ESRRB: variants seen among roughly 807,000 people sequenced by gnomAD.
The protein encoded by ESRRB is estrogen related receptor beta.
Under a neutral mutation model 46.0 loss-of-function variants are expected in ESRRB, and 16 were observed. The ratio of observed to expected loss-of-function variants is 0.35; its 90% CI spans 0.24 to 0.53. ESRRB has a LOEUF of 0.53. ESRRB is among the 20% of genes least tolerant of loss of function. ESRRB has a pLI of 0.93. For missense variants in ESRRB, 488 were observed against 607.4 expected, an observed-to-expected ratio of 0.80 and a Z score of 2.07; for synonymous variants, 246 against 259.6, an observed-to-expected ratio of 0.95 and a Z score of 0.50.
At chr14:76,387,849 G>A (rs962608167) in intron 1 of ESRRB, among the ~76,000 whole-genome samples, 2 of 152,224 alleles carry the variant, frequency 1.3e-5, no homozygotes, top group African/African-American at 4.8e-5. Flanking sequence ...AATATAAAGT[G>A]TAAGGCCAGA....
chr14:76,352,314 A>G (rs950647562), intron 1 of ESRRB, among the ~76,000 whole-genome samples: 4 of 152,212 alleles, frequency 2.6e-5, no homozygotes, highest in African/African-American at 9.7e-5. Flanking sequence ...TGTTCAGTAC[A>G]TGTTAATTAA....
intron 6 of ESRRB, among the ~76,000 whole-genome samples, chr14:76,496,268 T>A (rs145292923): frequency 1.1e-4 from 16 of 152,318 alleles, no homozygotes; most frequent in Non-Finnish European, 2.2e-4. Context: ...AGCCTGGATG[T>A]GGCAGAAAGA....
chr14:76,447,247 T>TTCCC (rs1888187330), intron 2 of ESRRB, among the ~76,000 whole-genome samples: 1 of 32,264 alleles, frequency 3.1e-5, no homozygotes, highest in African/African-American at 3.8e-4. Context: ...TAAAGTCTCC[T>TTCCC]TCCTTCCTTC....
intron 1 of ESRRB, among the ~76,000 whole-genome samples, chr14:76,380,247 C>T (rs752789719): frequency 6.6e-6 from 1 of 152,018 alleles, no homozygotes; most frequent in Admixed American, 6.6e-5. Flanking sequence ...TCTGATGGGC[C>T]GGAGGAAGGA....
intron 1 of ESRRB, among the ~76,000 whole-genome samples, chr14:76,331,100 G>A (rs904824919): frequency 4.6e-5 from 7 of 152,068 alleles, no homozygotes; most frequent in African/African-American, 1.7e-4. Flanking sequence ...AAAGAGGAAG[G>A]GATCGCCTCC....
chr14:76,328,489 C>T (rs1042525118), intron 1 of ESRRB, among the ~76,000 whole-genome samples: 13 of 152,148 alleles, frequency 8.5e-5, no homozygotes, highest in Non-Finnish European at 1.6e-4. Context: ...GCATATGTGC[C>T]TATGTGTAGG....
intron 3 of ESRRB, among the ~76,000 whole-genome samples, chr14:76,478,009 G>A (rs1020006033): frequency 2.0e-5 from 3 of 152,184 alleles, no homozygotes; most frequent in African/African-American, 7.2e-5. Flanking sequence ...AATACATACA[G>A]AGAGTCCTTT....
At chr14:76,473,872 T>G (rs1054546369) in intron 3 of ESRRB, among the ~76,000 whole-genome samples, 3 of 152,202 alleles carry the variant, frequency 2.0e-5, no homozygotes, top group African/African-American at 7.2e-5. Context: ...CCCGCTCCCC[T>G]CCTCTCAAGG....
intron 2 of ESRRB, among the ~76,000 whole-genome samples, chr14:76,452,397 C>T (rs569760240): frequency 2.0e-4 from 31 of 151,808 alleles, no homozygotes; most frequent in African/African-American, 6.5e-4. Flanking sequence ...GAGGCAGAGG[C>T]GGGTAGATTA....
At position 76,482,535 on chromosome 14, in the gene ESRRB, G is replaced by A; in HGVS notation, c.689-63G>A. 1 of 1,594,118 alleles carries A rather than the reference G, an allele frequency of 6.3e-7. No individual in the cohort carries two copies. The highest frequency in any genetic ancestry group is 8.6e-7 in the Non-Finnish European group (1 of 1,163,016). ...CAACTTTGCTTCCTGACCCATCTGAGCCTCCACCCCGGCCCCTTTCCTCTT... is the reference window on the plus strand; with the variant it reads ...CAACTTTGCTTCCTGACCCATCTGAACCTCCACCCCGGCCCCTTTCCTCTT... On this transcript the variant is annotated intron_variant, in intron 4 of 6. Transcript: ENST00000644823. This position sits in a 1 kb window ranked among gnomAD's most constrained non-coding sequence, Gnocchi z 4.3.
At chr14:76,364,824 G>A (rs1884502804) in intron 1 of ESRRB, among the ~76,000 whole-genome samples, 1 of 152,156 alleles carries the variant, frequency 6.6e-6, no homozygotes, top group Admixed American at 6.5e-5. Flanking sequence ...ACATGGCTGG[G>A]AGGGACCTCA....
At chr14:76,368,777 T>C (rs1884556784), upstream of ESRRB, among the ~76,000 whole-genome samples, 1 of 152,240 alleles carries the variant, frequency 6.6e-6, no homozygotes, top group Admixed American at 6.5e-5. Context: ...AGAATTGTAC[T>C]GACCCATTCA....
upstream of ESRRB, among the ~76,000 whole-genome samples, chr14:76,370,795 T>C (rs1246720175): frequency 6.6e-6 from 1 of 152,226 alleles, no homozygotes; most frequent in Non-Finnish European, 1.5e-5. Context: ...AATCTCACTT[T>C]CCTCATCCTC....
At chr14:76,408,274 C>T (rs150258557) in intron 1 of ESRRB, among the ~76,000 whole-genome samples, 5 of 152,256 alleles carry the variant, frequency 3.3e-5, no homozygotes, top group Non-Finnish European at 7.4e-5. Flanking sequence ...CCTTAAAGAA[C>T]TTAACTGTTA....
intron 1 of ESRRB, among the ~76,000 whole-genome samples, chr14:76,402,231 G>C (rs1400346992): frequency 6.6e-6 from 1 of 152,094 alleles, no homozygotes; most frequent in Non-Finnish European, 1.5e-5. Context: ...ATAATATTTG[G>C]CCAAATATCT....
At position 76,439,407 on chromosome 14, in the gene ESRRB, T is replaced by C. The variant is rs1064433; in HGVS notation, c.117T>C (p.Thr39=). ...CCAGCTGCGGCTCCTTCATCAAGAC[T>C]GAGCCGTCCAGCCCGTCCTCGGGCA... The part of the protein sequence containing the change: ...LGSSCGSFIK[T]EPSSPSSGID... Residue 39 remains threonine, a synonymous_variant, in exon 2 of 7, where the codon ACT becomes ACC. Transcript: ENST00000644823. The C allele has an allele frequency of 6.2e-7, 1 of 1,613,634 alleles. No homozygotes were observed. Among genetic ancestry groups the C allele is most frequent in the Non-Finnish European group, 8.5e-7 (1 of 1,180,008 alleles).
intron 1 of ESRRB, among the ~76,000 whole-genome samples, chr14:76,311,164 C>T (rs890231391): frequency 1.3e-5 from 2 of 152,020 alleles, no homozygotes; most frequent in Non-Finnish European, 2.9e-5. Flanking sequence ...CTAGGTGGGA[C>T]GGTGACACAA....
intron 1 of ESRRB, among the ~76,000 whole-genome samples, chr14:76,349,378 C>A (rs1884287939): frequency 6.6e-6 from 1 of 152,202 alleles, no homozygotes; most frequent in African/African-American, 2.4e-5. Context: ...ATTCTGTACG[C>A]AATATCCACA....
chr14:76,422,087 C>T (rs1291941199), intron 1 of ESRRB, among the ~76,000 whole-genome samples: 2 of 152,118 alleles, frequency 1.3e-5, no homozygotes. Context: ...CTGGTGGCTA[C>T]AGTCCCCTCC....
Sources: allele counts gnomAD v4.1 joint callset (sites outside exome capture counted in the v4.1 genomes callset), GRCh38; gene constraint gnomAD v4.1.1; non-coding constraint Gnocchi (gnomAD v3.1); transcripts MANE v1.5; gene names NCBI Gene and HGNC (gene_info 2026-07-23, HGNC 2026-07-21).